SLC44A1: variants seen among roughly 807,000 people sequenced by gnomAD.
SLC44A1 encodes the protein solute carrier family 44 member 1, also known as choline transporter-like protein 1.
SLC44A1 carries 26 observed loss-of-function variants against 79.3 expected under a neutral mutation model. That is an observed-to-expected ratio of 0.33 (90% confidence interval 0.24 to 0.46). The LOEUF is 0.46. SLC44A1 is among the 20% of genes least tolerant of loss of function. The pLI is 1.00. For missense variants in SLC44A1, 688 were observed against 798.1 expected (o/e 0.86, Z 1.66); for synonymous variants, 263 against 286.2 (o/e 0.92, Z 0.82).
chr9:105,413,060 G>C (rs1368045175), intron 15 of SLC44A1, among the ~76,000 whole-genome samples: 1 of 152,146 alleles, frequency 6.6e-6, no homozygotes, highest in Non-Finnish European at 1.5e-5. Flanking sequence ...ATATCTAAAG[G>C]GATGTTGTAG....
intron 1 of SLC44A1, among the ~76,000 whole-genome samples, chr9:105,250,336 CT>C (rs1829554846): frequency 6.6e-6 from 1 of 152,120 alleles, no homozygotes; most frequent in Non-Finnish European, 1.5e-5. Flanking sequence ...TGCTTCCAGG[CT>C]TAACAAATAC....
chr9:105,351,532 G>A (rs1827406165), intron 5 of SLC44A1, among the ~76,000 whole-genome samples: 1 of 115,008 alleles, frequency 8.7e-6, no homozygotes, highest in Non-Finnish European at 1.7e-5. Flanking sequence ...GACCCTGTCT[G>A]AAAGAAAGAA....
intron 1 of SLC44A1, among the ~76,000 whole-genome samples, chr9:105,245,929 G>T (rs1275621416): frequency 6.6e-6 from 1 of 152,164 alleles, no homozygotes; most frequent in Non-Finnish European, 1.5e-5. Flanking sequence ...GTGGATTAGC[G>T]AGTGTATTTA....
intron 3 of SLC44A1, among the ~76,000 whole-genome samples, chr9:105,311,267 G>A (rs1229385772): frequency 2.0e-5 from 3 of 152,042 alleles, no homozygotes; most frequent in Middle Eastern, 3.4e-3. Flanking sequence ...ACTATTTTTT[G>A]TAGATAGCAT....
At chr9:105,435,529 G>A (rs984624126) in intron 15 of SLC44A1, among the ~76,000 whole-genome samples, 3 of 152,186 alleles carry the variant, frequency 2.0e-5, no homozygotes, top group Non-Finnish European at 2.9e-5. Context: ...TCACAAGGTC[G>A]ACTGATTAGT....
intron 15 of SLC44A1, among the ~76,000 whole-genome samples, chr9:105,436,862 A>G (rs1829469365): frequency 6.6e-6 from 1 of 152,184 alleles, no homozygotes. Context: ...TTAGTGCCAC[A>G]TGTGACCTGT....
chr9:105,438,236 T>G (rs2131531389), intron 15 of SLC44A1: 1 of 1,530,216 alleles, frequency 6.5e-7, no homozygotes, highest in East Asian at 2.5e-5. Context: ...TTGTGTCATG[T>G]TCCCCTAGGA....
At chr9:105,259,655 C>T in intron 1 of SLC44A1, among the ~76,000 whole-genome samples, 1 of 152,136 alleles carries the variant, frequency 6.6e-6, no homozygotes, top group Admixed American at 6.6e-5. Flanking sequence ...CATGACAATT[C>T]TGAAACCACA....
chr9:105,414,564 G>A (rs923614843), intron 15 of SLC44A1, among the ~76,000 whole-genome samples: 4 of 152,114 alleles, frequency 2.6e-5, no homozygotes, highest in Non-Finnish European at 4.4e-5. Context: ...GATTTACAAA[G>A]TTAATATTGC....
intron 2 of SLC44A1, among the ~76,000 whole-genome samples, chr9:105,302,599 G>C (rs912134652): frequency 6.6e-6 from 1 of 151,362 alleles, no homozygotes; most frequent in Admixed American, 6.6e-5. Context: ...TGATCTGCAT[G>C]CCTCGGCCTC....
intron 3 of SLC44A1, among the ~76,000 whole-genome samples, chr9:105,322,366 G>GT (rs1826420405): frequency 6.6e-6 from 1 of 152,140 alleles, no homozygotes; most frequent in African/African-American, 2.4e-5. Context: ...GTGATGCTAA[G>GT]TTTTCAAAAG....
At chr9:105,306,730 G>A (rs1831042591) in intron 2 of SLC44A1, among the ~76,000 whole-genome samples, 1 of 151,694 alleles carries the variant, frequency 6.6e-6, no homozygotes. Flanking sequence ...TGATGATAAA[G>A]AAAAAAACCC....
chr9:105,348,261 G>T, intron 4 of SLC44A1, 97 bp from the exon 5 acceptor site: 1 of 653,258 alleles, frequency 1.5e-6, no homozygotes, highest in South Asian at 2.0e-5. Context: ...TATAATGTTT[G>T]GAAAGTTGCA....
chr9:105,293,079 C>G (rs1830640878), intron 1 of SLC44A1, among the ~76,000 whole-genome samples: 3 of 152,158 alleles, frequency 2.0e-5, no homozygotes, highest in Admixed American at 2.0e-4. Flanking sequence ...ATCACTTGAG[C>G]CTGGGAGATC....
At chr9:105,352,220 A>G (rs1034189794) in intron 5 of SLC44A1, among the ~76,000 whole-genome samples, 1 of 152,266 alleles carries the variant, frequency 6.6e-6, no homozygotes, top group Non-Finnish European at 1.5e-5. Context: ...AGATATTGCC[A>G]GAATACTTTA....
At chr9:105,268,035 G>T (rs1244623933) in intron 1 of SLC44A1, among the ~76,000 whole-genome samples, 2 of 152,098 alleles carry the variant, frequency 1.3e-5, no homozygotes, top group African/African-American at 4.8e-5. Context: ...GTTGGGGTGG[G>T]TGTTGGTTTC....
rs111921269 is a variant in SLC44A1, at chr9:105,395,242, C to T, written c.*6186C>T. 9.8e-3 allele frequency: 9,270 copies of T among 947,184 alleles called. 637 individuals carry two copies. In the African/African-American group the frequency reaches 0.15, roughly 15 times the overall value. The allele number at this position is 947,184 out of a possible 1,614,324, so 58.7% of individuals were successfully genotyped here. ...GTTTGTTTTTGGTGTTTTTTTGAGA[C>T]GGAGTCTCGCTCTATCGCCAGCTTA... On this transcript the variant is annotated 3_prime_UTR_variant, in exon 16 of 16. Coordinates refer to ENST00000374720, the MANE Select transcript of SLC44A1 (RefSeq NM_080546.5).
At chr9:105,288,473 C>A (rs1198689310) in intron 1 of SLC44A1, among the ~76,000 whole-genome samples, 1 of 152,130 alleles carries the variant, frequency 6.6e-6, no homozygotes, top group African/African-American at 2.4e-5. Context: ...CTCAGCCTCC[C>A]AAGTAGCTAG....
intron 5 of SLC44A1, among the ~76,000 whole-genome samples, chr9:105,351,616 AAGAAAGAGAGAGAAAG>A (rs1164587282): frequency 0.029 from 1,683 of 57,532 alleles, 37 homozygotes; most frequent in African/African-American, 0.07. Context: ...GAAAGAAAGA[AAGAAAGAGAGAGAAAG>A]AGAAAGAAAG....
Sources: allele counts gnomAD v4.1 joint callset (sites outside exome capture counted in the v4.1 genomes callset), GRCh38; gene constraint gnomAD v4.1.1; transcripts MANE v1.5; gene names NCBI Gene and HGNC (gene_info 2026-07-23, HGNC 2026-07-21).